POLD1: variants seen among roughly 807,000 people sequenced by gnomAD.
POLD1 encodes the protein DNA polymerase delta catalytic subunit.
In POLD1, 79 loss-of-function variants were observed where a neutral mutation model predicts 129.7. That is an observed-to-expected ratio of 0.61 (90% CI 0.51 to 0.73). POLD1 has a LOEUF of 0.73. Ranked by LOEUF, POLD1 falls within the 30% of genes least tolerant of loss-of-function variation. The pLI is 0.00. For synonymous variants in POLD1, 714 were observed against 683.3 expected (o/e 1.04, Z -0.70); for missense variants, 1,338 against 1,595.8 (o/e 0.84, Z 2.75).
At chr19:50,388,432 T>G (rs1334380783) in intron 1 of POLD1, among the ~76,000 whole-genome samples, 1 of 152,160 alleles carries the variant, frequency 6.6e-6, no homozygotes, top group Non-Finnish European at 1.5e-5. Context: ...AGCAAATAGA[T>G]TTATACATAT....
rs554367061 is a variant in POLD1 at position 50,399,430 on chromosome 19, G to A, written c.262G>A (p.Asp88Asn). The change falls in exon 3 of 27, where the codon GAC (aspartate) becomes AAC (asparagine). Residue 88 changes from aspartate (D) to asparagine (N), a missense_variant. Asp to Asn is a conservative substitution (Grantham distance 23). This residue lies in a region of POLD1 where 332 missense variants were observed against 315.7 expected (regional missense o/e 1.05). Transcript: ENST00000440232. Reference sequence around the variant, plus strand: ...GCTTCGGCCCACACCACCAGCGCTGGACCCCCAGACAGAGCCCCTCATCTT... The same window carrying A: ...GCTTCGGCCCACACCACCAGCGCTGAACCCCCAGACAGAGCCCCTCATCTT... ...RWLRPTPPAL[D>N]PQTEPLIFQQ... The A allele has an allele frequency of 3.1e-6, 5 of 1,614,180 alleles. No individual in the cohort carries two copies. The highest frequency in any genetic ancestry group is 3.3e-5 in the Admixed American group (2 of 60,022).
intron 17 of POLD1, among the ~76,000 whole-genome samples, chr19:50,410,630 T>G (rs1418341595): frequency 1.3e-5 from 2 of 152,166 alleles, no homozygotes; most frequent in African/African-American, 2.4e-5. Flanking sequence ...GGGCAGGGTA[T>G]AGGAGGGACC....
intron 3 of POLD1, among the ~76,000 whole-genome samples, chr19:50,400,112 C>T (rs1323753244): frequency 7.4e-6 from 1 of 135,560 alleles, no homozygotes; most frequent in Non-Finnish European, 1.6e-5. Context: ...ATTGTGCCAG[C>T]CCAATTTGAC....
chr19:50,416,860 C>T, intron 24 of POLD1, 137 bp downstream of exon 24: 2 of 938,458 alleles, frequency 2.1e-6, no homozygotes, highest in Non-Finnish European at 3.1e-6. Context: ...CCCCTGTCTC[C>T]ACCCCCCACA....
rs1064795402 is a variant in POLD1, at chr19:50,416,634, C to CGCAGCTCACGGGCAA, written c.2979_2980insCAGCTCACGGGCAAG (p.Thr993_Val994insGlnLeuThrGlyLys). The stretch of plus-strand genomic sequence containing the variant: ...GGGGGGGACCACACGCGCTGCAAGA[C>CGCAGCTCACGGGCAA]GGTGCTCACGGGCAAGGTGGGCGGC... On this transcript the variant is annotated inframe_insertion, in exon 24 of 27. Coordinates refer to ENST00000440232, the MANE Select transcript of POLD1 (RefSeq NM_002691.4). 3 of 1,565,678 alleles carry CGCAGCTCACGGGCAA rather than the reference C, an allele frequency of 1.9e-6. No individual in the cohort carries two copies. The African/African-American group carries it at 4.1e-5, about 21-fold the overall frequency.
chr19:50,388,103 GA>G (rs1435111870), intron 1 of POLD1, among the ~76,000 whole-genome samples: 1 of 152,208 alleles, frequency 6.6e-6, no homozygotes, highest in Non-Finnish European at 1.5e-5. Context: ...CCATTTATAG[GA>G]AATGCCCAGA....
In POLD1 at chr19:50,409,425, T is replaced by C. The variant is rs2122380538; in HGVS notation, c.2007-94T>C. ...CCAGAAGCTTCTGTGCAGTGCACAG[T>C]ACGCCCAACCGTACATGGCACTCAC... is the stretch of plus-strand genomic sequence containing the variant. On this transcript the variant is annotated intron_variant, in intron 16 of 26. Coordinates refer to ENST00000440232, the MANE Select transcript of POLD1 (RefSeq NM_002691.4). This position sits in a 1 kb window ranked among gnomAD's most constrained non-coding sequence, Gnocchi z 5.8. The C allele has an allele frequency of 6.5e-7, 1 of 1,547,934 alleles. No individual in the cohort carries two copies. The highest frequency in any genetic ancestry group is 1.1e-5 in the South Asian group (1 of 88,202).
rs3218750 is a variant in POLD1, at chr19:50,402,065, G to A, written c.530G>A (p.Arg177His). 19 of 1,613,948 alleles carry A rather than the reference G, an allele frequency of 1.2e-5. No individual in the cohort carries two copies. The highest frequency in any genetic ancestry group is 1.1e-4 in the East Asian group (5 of 44,872). The change falls in exon 5 of 27, where the codon CGC (arginine) becomes CAC (histidine). Residue 177 changes from arginine (R) to histidine (H), a missense_variant. By Grantham distance (29) the Arg-to-His change is conservative. Coordinates refer to ENST00000440232, the MANE Select transcript of POLD1 (RefSeq NM_002691.4). ...ELNLAISRDS[R>H]GGRELTGPAV... ...AACTTGGCCATCAGCCGGGACAGTC[G>A]CGGGGGGAGGGAGCTGACTGGGCCG...
intron 15 of POLD1, 26 bp downstream of exon 15, chr19:50,408,927 C>A (rs202216060): frequency 2.1e-5 from 33 of 1,587,274 alleles, no homozygotes; most frequent in Non-Finnish European, 2.7e-5. Flanking sequence ...CAGCATGTGT[C>A]CCCCGAGGCC....
At chr19:50,415,279 C>T (rs921170589) in intron 20 of POLD1, among the ~76,000 whole-genome samples, 159 bp from the exon 21 acceptor site, 4 of 152,212 alleles carry the variant, frequency 2.6e-5, no homozygotes, top group South Asian at 2.1e-4. Flanking sequence ...GGTTCAGGCC[C>T]TGCCTCTGCC....
At chr19:50,393,386 A>G (rs3219327) in intron 1 of POLD1, among the ~76,000 whole-genome samples, 4,956 of 152,228 alleles carry the variant, frequency 0.033, 288 homozygotes, top group African/African-American at 0.11. Context: ...AAAGCAAACA[A>G]TGGCTGGGCG....
chr19:50,401,760 T>C lies in POLD1; in HGVS notation c.317-18T>C, dbSNP rs1453432088. 6.2e-7 allele frequency: 1 copy of C among 1,610,856 alleles called. No homozygotes were observed. Among genetic ancestry groups the C allele is most frequent in the Admixed American group, 1.7e-5 (1 of 59,994 alleles). On this transcript the variant is annotated intron_variant, in intron 3 of 26. Coordinates refer to ENST00000440232, the MANE Select transcript of POLD1 (RefSeq NM_002691.4). Reference sequence around the variant, plus strand: ...ACCCTGAGAGGCATGGCCGCTGTCTTACCCTGTGACCCCACAGGCCCAGCG... The same window carrying C: ...ACCCTGAGAGGCATGGCCGCTGTCTCACCCTGTGACCCCACAGGCCCAGCG...
At chr19:50,415,948 C>G (rs2039271914) in intron 22 of POLD1, 122 bp downstream of exon 22, 1 of 704,072 alleles carries the variant, frequency 1.4e-6, no homozygotes. Context: ...TGAGAACCGC[C>G]CCCCATGGCA....
At position 50,407,038 on chromosome 19, in the gene POLD1, A is replaced by G. The variant is rs776293311; in HGVS notation, c.1550A>G (p.Tyr517Cys). ...RLAVYCLKDA[Y>C]LPLRLLERLM... ...GCTGTGTACTGCCTGAAGGATGCCTACCTGCCACTGCGGCTGCTGGAGCGG... is the reference window on the plus strand; with the variant it reads ...GCTGTGTACTGCCTGAAGGATGCCTGCCTGCCACTGCGGCTGCTGGAGCGG... Residue 517 changes from tyrosine to cysteine, a missense_variant, in exon 13 of 27, where the codon TAC (tyrosine) becomes TGC (cysteine). Tyr to Cys is a radical substitution (Grantham distance 194). Coordinates refer to ENST00000440232, the MANE Select transcript of POLD1 (RefSeq NM_002691.4). The G allele has an allele frequency of 6.2e-6, 10 of 1,612,748 alleles. No homozygotes were observed. Among genetic ancestry groups the G allele is most frequent in the African/African-American group, 1.3e-5 (1 of 74,834 alleles).
At chr19:50,416,295 C>T (rs2039286727) in intron 22 of POLD1, 101 bp from the exon 23 acceptor site, 2 of 1,268,778 alleles carry the variant, frequency 1.6e-6, no homozygotes, top group Non-Finnish European at 2.2e-6. Flanking sequence ...TCACAGCCCG[C>T]AGGCAGGCCT....
rs373046355 is a variant in POLD1, at chr19:50,403,511, C to T, written c.1156C>T (p.Arg386Cys). ...CCCCCAGGCCTGGTCCACCTTCATC[C>T]GTATCATGGACCCCGACGTGATCAC... The part of the protein sequence containing the change: ...DLLQAWSTFI[R>C]IMDPDVITGY... Residue 386 changes from arginine to cysteine, a missense_variant, in exon 10 of 27, where the codon CGT becomes TGT. By Grantham distance (180) the Arg-to-Cys change is radical. Coordinates refer to ENST00000440232, the MANE Select transcript of POLD1 (RefSeq NM_002691.4). 1.8e-5 allele frequency: 29 copies of T among 1,613,596 alleles called. No individual in the cohort carries two copies. The South Asian group carries it at 2.1e-4, about 12-fold the overall frequency.
At position 50,399,025 on chromosome 19, in the gene POLD1, G is replaced by C. The variant is rs1352683918; in HGVS notation, c.174G>C (p.Leu58=). ...HRLQEQEEEE[L]QSVLEGVADG... ...TGCAGGAGCAGGAGGAGGAGGAGCT[G>C]CAGTCAGTCCTGGAGGGGGTTGCAG... is the stretch of plus-strand genomic sequence containing the variant. The change falls in exon 2 of 27, where the codon CTG becomes CTC. Residue 58 remains leucine (L), a synonymous_variant. Transcript: ENST00000440232. 6.4e-7 allele frequency: 1 copy of C among 1,557,856 alleles called. No individual in the cohort carries two copies. The highest frequency in any genetic ancestry group is 1.9e-5 in the Admixed American group (1 of 51,376).
intron 25 of POLD1, 22 bp downstream of exon 25, chr19:50,417,119 G>T: frequency 6.4e-7 from 1 of 1,568,596 alleles, no homozygotes; most frequent in Non-Finnish European, 8.6e-7. Flanking sequence ...GGGAGGTGAG[G>T]AGGGGCCAGG....
In POLD1 at chr19:50,416,473, C is replaced by T. The variant is rs1601246502; in HGVS notation, c.2898C>T (p.Leu966=). 1.3e-6 allele frequency: 2 copies of T among 1,551,442 alleles called. No individual in the cohort carries two copies. Among genetic ancestry groups the T allele is most frequent in the Non-Finnish European group, 1.7e-6 (2 of 1,148,076 alleles). Residue 966 remains leucine (L), a synonymous_variant, in exon 23 of 27, where the codon CTC becomes CTT. Coordinates refer to ENST00000440232, the MANE Select transcript of POLD1 (RefSeq NM_002691.4). Reference sequence around the variant, plus strand: ...TGGAGCAGCAGCTGGCCAAGCCCCTCCTGCGCATCTTCGAGCCCATCCTGG... The same window carrying T: ...TGGAGCAGCAGCTGGCCAAGCCCCTTCTGCGCATCTTCGAGCCCATCCTGG... ...YYLEQQLAKP[L]LRIFEPILGE...
Sources: gnomAD v4.1 joint callset for allele counts (sites outside exome capture counted in the v4.1 genomes callset) on GRCh38, gnomAD v4.1.1 for gene constraint, gnomAD v4.1.1 regional missense constraint, Gnocchi (gnomAD v3.1) non-coding constraint, MANE v1.5 for transcripts, NCBI Gene and HGNC (gene_info 2026-07-23, HGNC 2026-07-21) for gene names.